Variants in NTNG1 observed in about 807,000 individuals in gnomAD.
NTNG1 encodes netrin-G1.
NTNG1 carries 16 observed loss-of-function variants against 54.0 expected under a neutral mutation model. That is an observed-to-expected ratio of 0.30 (90% CI 0.20 to 0.45). The LOEUF is 0.45. Ranked by LOEUF, NTNG1 falls within the 20% of genes least tolerant of loss-of-function variation. NTNG1 has a pLI of 1.00. For synonymous variants in NTNG1, 255 were observed against 263.1 expected (o/e 0.97, Z 0.30); for missense variants, 530 against 678.7 (o/e 0.78, Z 2.43).
chr1:107,359,225 C>A (rs1230274016), intron 3 of NTNG1, among the ~76,000 whole-genome samples: 1 of 152,178 alleles, frequency 6.6e-6, no homozygotes, highest in Non-Finnish European at 1.5e-5. Context: ...TAATTACATC[C>A]TGCGTGCCCA....
At chr1:107,261,964 G>A (rs1382815636) in intron 2 of NTNG1, among the ~76,000 whole-genome samples, 1 of 152,192 alleles carries the variant, frequency 6.6e-6, no homozygotes, top group African/African-American at 2.4e-5. Context: ...TCCGGGCAAT[G>A]TTAACTATTG....
At chr1:107,179,871 G>A (rs1656938857) in intron 2 of NTNG1, among the ~76,000 whole-genome samples, 1 of 152,098 alleles carries the variant, frequency 6.6e-6, no homozygotes, top group Non-Finnish European at 1.5e-5. Context: ...AAGAGTTTCT[G>A]ACTAGAAGCA....
At chr1:107,376,393 G>A (rs1176513818) in intron 3 of NTNG1, among the ~76,000 whole-genome samples, 1 of 146,370 alleles carries the variant, frequency 6.8e-6, no homozygotes, top group East Asian at 2.0e-4. Context: ...GGGTGACAGA[G>A]TGAGACTCCG....
At chr1:107,438,404 T>G (rs571948429) in intron 7 of NTNG1, among the ~76,000 whole-genome samples, 1 of 152,138 alleles carries the variant, frequency 6.6e-6, no homozygotes, top group Non-Finnish European at 1.5e-5. Flanking sequence ...TTCCAGAAAG[T>G]GCTAGTCCTT....
At chr1:107,198,579 C>T (rs1325102048) in intron 2 of NTNG1, among the ~76,000 whole-genome samples, 1 of 151,804 alleles carries the variant, frequency 6.6e-6, no homozygotes, top group African/African-American at 2.4e-5. Context: ...TTCTTTTGTT[C>T]CCCTTCGTAT....
At chr1:107,261,071 G>A (rs1197003467) in intron 2 of NTNG1, 1 of 152,146 alleles carries the variant, frequency 6.6e-6, no homozygotes, top group Non-Finnish European at 1.5e-5. Flanking sequence ...CAGAGAAGTA[G>A]GAGTGCTGTT....
chr1:107,420,143 A>G (rs1377101639), intron 5 of NTNG1, among the ~76,000 whole-genome samples: 1 of 152,058 alleles, frequency 6.6e-6, no homozygotes, highest in Non-Finnish European at 1.5e-5. Flanking sequence ...GAACAAGATT[A>G]TGCATTGTTC....
At chr1:107,345,844 T>C (rs1246159099) in intron 3 of NTNG1, among the ~76,000 whole-genome samples, 3 of 152,206 alleles carry the variant, frequency 2.0e-5, no homozygotes, top group Non-Finnish European at 1.5e-5. Context: ...AGCAATACCC[T>C]CTTCTCATTT....
At chr1:107,157,931 A>G (rs577455720) in intron 2 of NTNG1, among the ~76,000 whole-genome samples, 95 of 151,724 alleles carry the variant, frequency 6.3e-4, no homozygotes, top group African/African-American at 2.2e-3. Context: ...ACTTTTCCAC[A>G]CTCCTCATTT....
chr1:107,390,012 T>C (rs896555247), intron 3 of NTNG1, among the ~76,000 whole-genome samples: 3 of 152,138 alleles, frequency 2.0e-5, no homozygotes, highest in South Asian at 4.1e-4. Context: ...TCTCCCAGCA[T>C]TGTGAAATGT....
intron 5 of NTNG1, among the ~76,000 whole-genome samples, chr1:107,419,123 C>T (rs748657362): frequency 6.6e-6 from 1 of 151,688 alleles, no homozygotes; most frequent in Non-Finnish European, 1.5e-5. Context: ...AAATTTGGAG[C>T]AATCTGTCTC....
rs1463422945 is a variant in NTNG1 at position 107,483,910 on chromosome 1, C to T, written c.*3070C>T. ...GATTTGAGGGTTATTTATTTCTGAC[C>T]CTGTACACAGCCTAGGGGAAGAATT... On this transcript the variant is annotated 3_prime_UTR_variant, in exon 8 of 8. Coordinates refer to ENST00000370068, the MANE Select transcript of NTNG1 (RefSeq NM_001113226.3). 6.6e-6 allele frequency among the ~76,000 whole-genome samples: 1 copy of T among 152,020 alleles called. No homozygotes were observed. The highest frequency in any genetic ancestry group is 6.6e-5 in the Admixed American group (1 of 15,260).
intron 7 of NTNG1, among the ~76,000 whole-genome samples, chr1:107,478,115 A>T (rs994694809): frequency 2.6e-5 from 4 of 152,230 alleles, no homozygotes; most frequent in African/African-American, 7.2e-5. Context: ...AAGATGGAGC[A>T]TGATTATGAA....
chr1:107,199,911 A>G (rs1348301788), intron 2 of NTNG1, among the ~76,000 whole-genome samples: 17 of 151,888 alleles, frequency 1.1e-4, no homozygotes, highest in Non-Finnish European at 8.8e-5. Context: ...TCAATCAGTA[A>G]CCTTCTGGAC....
rs569502235 is a variant in NTNG1, at chr1:107,185,280, G to C, written c.246+36441G>C. ...CAGAGGCCAGACGTCTGAAATCAAA[G>C]TGTTGGCAGGACTGCACTCCCTGTG... On this transcript the variant is annotated intron_variant, in intron 2 of 7. Transcript: ENST00000370068. Among the ~76,000 whole-genome samples, 4 of 152,328 alleles carry C rather than the reference G, an allele frequency of 2.6e-5. No individual in the cohort carries two copies. In the South Asian group the frequency reaches 8.3e-4, roughly 32 times the overall value.
chr1:107,270,315 C>T lies in NTNG1; in HGVS notation c.247-53967C>T, dbSNP rs1387177349. Among the ~76,000 whole-genome samples the T allele has an allele frequency of 2.6e-5, 4 of 152,108 alleles. No homozygotes were observed. The South Asian group carries it at 8.3e-4, about 31-fold the overall frequency. Reference sequence around the variant, plus strand: ...GATATGAAAATCTCATTGTAGACTGCCATGGTTGGCTTATTTCTTCACTTA... The same window carrying T: ...GATATGAAAATCTCATTGTAGACTGTCATGGTTGGCTTATTTCTTCACTTA... On this transcript the variant is annotated intron_variant, in intron 2 of 7. Coordinates refer to ENST00000370068, the MANE Select transcript of NTNG1 (RefSeq NM_001113226.3).
At chr1:107,452,394 T>C (rs1676681837) in intron 7 of NTNG1, among the ~76,000 whole-genome samples, 2 of 152,192 alleles carry the variant, frequency 1.3e-5, no homozygotes, top group Admixed American at 6.5e-5. Context: ...GTACACTTAC[T>C]ATGGATTCCT....
chr1:107,474,230 CAAT>C (rs1429021795), intron 7 of NTNG1, among the ~76,000 whole-genome samples: 2 of 152,038 alleles, frequency 1.3e-5, no homozygotes, highest in South Asian at 2.1e-4. Flanking sequence ...CTGTCAATAA[CAAT>C]AAAGAGAGAG....
chr1:107,340,098 C>T (rs977219885), intron 3 of NTNG1, among the ~76,000 whole-genome samples: 9 of 152,054 alleles, frequency 5.9e-5, no homozygotes, highest in Non-Finnish European at 1.3e-4. Flanking sequence ...TATTTCTAAA[C>T]AATTATCTCC....
Sources: allele counts gnomAD v4.1 joint callset (sites outside exome capture counted in the v4.1 genomes callset), GRCh38; gene constraint gnomAD v4.1.1; transcripts MANE v1.5; gene names NCBI Gene and HGNC (gene_info 2026-07-23, HGNC 2026-07-21).